Variants in PPP4R1 observed in about 807,000 individuals in gnomAD.
PPP4R1 encodes the protein serine/threonine-protein phosphatase 4 regulatory subunit 1.
Under a neutral mutation model 111.2 loss-of-function variants are expected in PPP4R1, and 42 were observed. The observed-to-expected ratio is 0.38, with a 90% CI of 0.29 to 0.49. PPP4R1 has a LOEUF of 0.49. Among genes scored for constraint, PPP4R1 ranks in the 20% least tolerant of loss-of-function variants. The pLI is 0.97. For synonymous variants in PPP4R1, 409 were observed against 405.5 expected (o/e 1.01, Z -0.10); for missense variants, 1,012 against 1,161.6 (o/e 0.87, Z 1.87).
At chr18:9,548,282 CAA>C (rs756320086) in intron 19 of PPP4R1, among the ~76,000 whole-genome samples, 27 of 120,612 alleles carry the variant, frequency 2.2e-4, no homozygotes, top group Admixed American at 2.5e-4. Context: ...ACACCAACTA[CAA>C]AAAAAAAAAA....
rs113163070 is a variant in PPP4R1 at position 9,597,716 on chromosome 18, G to A, written c.53-2563C>T. ...AGAAACAAACTATCTCCAAGAAACTGTGTCACAGAACAAAACTCGAGTATG... is the reference window on the plus strand; with the variant it reads ...AGAAACAAACTATCTCCAAGAAACTATGTCACAGAACAAAACTCGAGTATG... On this transcript the variant is annotated intron_variant, in intron 2 of 19. Coordinates refer to ENST00000400556, the MANE Select transcript of PPP4R1 (RefSeq NM_001042388.3). 2.6e-5 allele frequency among the ~76,000 whole-genome samples: 4 copies of A among 152,174 alleles called. 1 individual carries two copies. Among genetic ancestry groups the A allele is most frequent in the African/African-American group, 7.2e-5 (3 of 41,488 alleles).
rs1405471782 is a variant in PPP4R1 at position 9,593,832 on chromosome 18, G to C, written c.231C>G (p.Val77=). The change falls in exon 4 of 20, where the codon GTC becomes GTG. Residue 77 remains valine (V), a synonymous_variant. Transcript: ENST00000400556. ...ARSLLDTLRE[V]CDDERDCIAV... is the part of the protein sequence containing the mutation. ...CAATACAATCTCTTTCATCATCGCA[G>C]ACTTCCCTCAAGGTATCGAGCAAAC... 3 of 1,613,650 alleles carry C rather than the reference G, an allele frequency of 1.9e-6. No homozygotes were observed. The highest frequency in any genetic ancestry group is 1.7e-6 in the Non-Finnish European group (2 of 1,179,910).
rs573442681 is a variant in PPP4R1 at position 9,554,830 on chromosome 18, G to A, written c.2191-1408C>T. Among the ~76,000 whole-genome samples, 4 of 152,302 alleles carry A rather than the reference G, an allele frequency of 2.6e-5. No homozygotes were observed. The South Asian group carries it at 8.3e-4, about 32-fold the overall frequency. The stretch of plus-strand genomic sequence containing the variant: ...AAAGGACAAATCAAAGGACACAAGA[G>A]GCAGCTTTAAGGGGTCTCCACTAGT... On this transcript the variant is annotated intron_variant, in intron 15 of 19. Transcript: ENST00000400556.
At chr18:9,593,666 G>T in intron 4 of PPP4R1, 102 bp downstream of exon 4, 1 of 997,182 alleles carries the variant, frequency 1.0e-6, no homozygotes, top group Non-Finnish European at 1.5e-6. Context: ...ATATTTTAAA[G>T]CTATCTCATA....
Position 9,593,778 on chromosome 18 carries a change from G to A in PPP4R1, c.285C>T (p.Ala95=), listed in dbSNP as rs191120795. 2.4e-5 allele frequency: 38 copies of A among 1,612,660 alleles called. No individual in the cohort carries two copies. The East Asian group carries it at 5.3e-4, about 23-fold the overall frequency. ...TTTCTCCACATATACCTGAATCATC[G>A]GCCAATCTGCTAATTCTTTCCAAAA... ...IAVLERISRL[A]DDSEPTVRAE... The change falls in exon 4 of 20, where the codon GCC becomes GCT. Residue 95 remains alanine, a synonymous_variant. Coordinates refer to ENST00000400556, the MANE Select transcript of PPP4R1 (RefSeq NM_001042388.3).
chr18:9,568,014 A>G (rs2066797339), intron 11 of PPP4R1, among the ~76,000 whole-genome samples: 1 of 152,196 alleles, frequency 6.6e-6, no homozygotes, highest in Non-Finnish European at 1.5e-5. Flanking sequence ...TGCTTACTAC[A>G]GTATAGTATA....
At chr18:9,576,992 G>A (rs2066946183) in intron 10 of PPP4R1, 72 bp downstream of exon 10, 1 of 1,309,698 alleles carries the variant, frequency 7.6e-7, no homozygotes, top group Non-Finnish European at 1.1e-6. Context: ...GCAGAATAGT[G>A]GAAATAATGT....
rs868055711 is a variant in PPP4R1, at chr18:9,588,773, A to G, written c.376T>C (p.Tyr126His). ...GGTAGTAAGAATTTTGAAAAAGCAT[A>G]TGGTATTGAAGGCCGGTTTTCTTGA... is the stretch of plus-strand genomic sequence containing the variant. ...FCQENRPSIP[Y>H]AFSKFLLPIV... The change falls in exon 5 of 20, where the codon TAT becomes CAT. Residue 126 changes from tyrosine to histidine, a missense_variant. Physicochemically the swap from Tyr to His is moderately conservative, Grantham distance 83 (BLOSUM62 2). This residue lies in a region of PPP4R1 where 707 missense variants were observed against 742.1 expected (regional missense o/e 0.95). Transcript: ENST00000400556. The G allele has an allele frequency of 9.3e-6, 15 of 1,613,822 alleles. No homozygotes were observed. In the African/African-American group the frequency reaches 1.1e-4, roughly 11 times the overall value.
chr18:9,615,457 G>A (rs2067677657), upstream of PPP4R1: 1 of 152,264 alleles, frequency 6.6e-6, no homozygotes. Context: ...TCGGTGAAGG[G>A]TGCCTATGAT....
At chr18:9,571,889 T>C (rs1568101328) in intron 10 of PPP4R1, among the ~76,000 whole-genome samples, 1 of 152,202 alleles carries the variant, frequency 6.6e-6, no homozygotes, top group Non-Finnish European at 1.5e-5. Context: ...AAATTGTTAA[T>C]AGATCTGTTG....
chr18:9,610,871 C>T (rs1177451011), intron 2 of PPP4R1, among the ~76,000 whole-genome samples: 2 of 145,692 alleles, frequency 1.4e-5, no homozygotes, highest in Non-Finnish European at 1.5e-5. Flanking sequence ...TATGTGTACA[C>T]ACACACACAC....
chr18:9,555,868 G>C (rs930812456), intron 15 of PPP4R1, among the ~76,000 whole-genome samples: 1 of 152,100 alleles, frequency 6.6e-6, no homozygotes, highest in Admixed American at 6.5e-5. Context: ...CAGGCATGGT[G>C]GCTCACGCCT....
intron 4 of PPP4R1, among the ~76,000 whole-genome samples, chr18:9,589,577 A>G (rs1379289550): frequency 6.6e-6 from 1 of 152,210 alleles, no homozygotes; most frequent in Non-Finnish European, 1.5e-5. Context: ...ACAAAATCCA[A>G]AAATCAACCG....
chr18:9,595,105 G>A lies in PPP4R1; in HGVS notation c.101C>T (p.Ser34Leu). The change falls in exon 3 of 20, where the codon TCA becomes TTA. Residue 34 changes from serine to leucine, a missense_variant. By Grantham distance (145) the Ser-to-Leu change is moderately radical. Coordinates refer to ENST00000400556, the MANE Select transcript of PPP4R1 (RefSeq NM_001042388.3). ...SSESDVIIIP[S>L]ALDFVSQDEM... ...ATCTTGTGAGACAAAGTCCAGGGCT[G>A]AAGGTATAATAATCACATCAGACTC... The A allele has an allele frequency of 6.2e-7, 1 of 1,613,876 alleles. No homozygotes were observed. The highest frequency in any genetic ancestry group is 8.5e-7 in the Non-Finnish European group (1 of 1,179,820).
chr18:9,574,801 C>CA (rs2066912865), intron 10 of PPP4R1, among the ~76,000 whole-genome samples: 2 of 152,212 alleles, frequency 1.3e-5, no homozygotes, highest in Non-Finnish European at 2.9e-5. Context: ...GCATCTAAGA[C>CA]AGCACTTTGT....
intron 2 of PPP4R1, among the ~76,000 whole-genome samples, chr18:9,605,224 T>G (rs188719545): frequency 1.3e-5 from 2 of 152,082 alleles, no homozygotes; most frequent in African/African-American, 2.4e-5. Flanking sequence ...TTATAAAGAT[T>G]TGGGGCTTTA....
chr18:9,580,794 A>C (rs2067016560), intron 9 of PPP4R1, among the ~76,000 whole-genome samples: 1 of 152,136 alleles, frequency 6.6e-6, no homozygotes, highest in Non-Finnish European at 1.5e-5. Flanking sequence ...TCCAGTCCTG[A>C]GTGAGAGCAG....
At chr18:9,580,339 G>A (rs1384170522) in intron 9 of PPP4R1, among the ~76,000 whole-genome samples, 1 of 141,338 alleles carries the variant, frequency 7.1e-6, no homozygotes, top group East Asian at 2.1e-4. Context: ...TCATAAAAAA[G>A]CTGAGAGTCT....
chr18:9,602,369 A>T (rs2067400637), intron 2 of PPP4R1, among the ~76,000 whole-genome samples: 1 of 29,366 alleles, frequency 3.4e-5, no homozygotes, highest in Non-Finnish European at 6.7e-5. Flanking sequence ...ATCTCTACTA[A>T]AAAAAAAAAA....
Sources: allele counts gnomAD v4.1 joint callset (sites outside exome capture counted in the v4.1 genomes callset), GRCh38; gene constraint gnomAD v4.1.1; regional missense constraint gnomAD v4.1.1; transcripts MANE v1.5; gene names NCBI Gene and HGNC (gene_info 2026-07-23, HGNC 2026-07-21).